The following ABLIM1 variants were observed in gnomAD, a reference collection of about 807,000 sequenced individuals.
The protein encoded by ABLIM1 is actin-binding LIM protein 1.
Under a neutral mutation model 107.0 loss-of-function variants are expected in ABLIM1, and 40 were observed. The ratio of observed to expected loss-of-function variants is 0.37; its 90% CI spans 0.29 to 0.49. The LOEUF is 0.49. Ranked by LOEUF, ABLIM1 falls within the 20% of genes least tolerant of loss-of-function variation. ABLIM1 has a pLI of 0.97. For synonymous variants in ABLIM1, 357 were observed against 357.3 expected, an observed-to-expected ratio of 1.00 and a Z score of 0.01; for missense variants, 857 against 1,008.5, an observed-to-expected ratio of 0.85 and a Z score of 2.04.
At chr10:114,671,960 T>A (rs2080275177) in intron 1 of ABLIM1, among the ~76,000 whole-genome samples, 1 of 152,164 alleles carries the variant, frequency 6.6e-6, no homozygotes, top group Non-Finnish European at 1.5e-5. Flanking sequence ...ACTCCTGGGC[T>A]CAAACAATCC....
intron 2 of ABLIM1, among the ~76,000 whole-genome samples, chr10:114,588,558 C>T (rs2074460133): frequency 1.5e-5 from 2 of 130,792 alleles, no homozygotes; most frequent in Non-Finnish European, 3.1e-5. Flanking sequence ...GCAATGGTGC[C>T]ATCTCAGCTC....
chr10:114,665,479 T>C (rs2079988231), intron 1 of ABLIM1, among the ~76,000 whole-genome samples: 1 of 152,208 alleles, frequency 6.6e-6, no homozygotes, highest in South Asian at 2.1e-4. Context: ...CACAAGTTGA[T>C]GGGAAGGACG....
intron 1 of ABLIM1, among the ~76,000 whole-genome samples, chr10:114,647,291 G>A (rs1195992040): frequency 6.8e-6 from 1 of 146,064 alleles, no homozygotes; most frequent in Admixed American, 6.6e-5. Flanking sequence ...GAGCCACCGT[G>A]CCCAGCCTAG....
chr10:114,595,676 T>C (rs781045359), intron 2 of ABLIM1, among the ~76,000 whole-genome samples: 2 of 152,224 alleles, frequency 1.3e-5, no homozygotes, highest in Non-Finnish European at 2.9e-5. Context: ...GATCTGCTTT[T>C]CATTTAATTA....
intron 1 of ABLIM1, among the ~76,000 whole-genome samples, chr10:114,612,151 G>T (rs1428296750): frequency 6.6e-6 from 1 of 152,158 alleles, no homozygotes; most frequent in East Asian, 1.9e-4. Context: ...CATTGCCATT[G>T]TAAACGTTAA....
intron 1 of ABLIM1, among the ~76,000 whole-genome samples, chr10:114,638,734 A>G (rs1001925720): frequency 6.6e-6 from 1 of 152,140 alleles, no homozygotes; most frequent in Non-Finnish European, 1.5e-5. Flanking sequence ...GCCTGGCCTG[A>G]TAGCAATGAT....
At chr10:114,480,787 ATC>A (rs1278690132) in intron 8 of ABLIM1, among the ~76,000 whole-genome samples, 4 of 152,122 alleles carry the variant, frequency 2.6e-5, no homozygotes, top group African/African-American at 9.7e-5. Flanking sequence ...CTCTATAGTT[ATC>A]TCCCCAGCAC....
At chr10:114,679,425 G>A (rs547962127) in intron 1 of ABLIM1, among the ~76,000 whole-genome samples, 45 of 151,876 alleles carry the variant, frequency 3.0e-4, no homozygotes, top group African/African-American at 9.9e-4. Context: ...ACCTGAGGTC[G>A]GGAGTTTGAG....
intron 12 of ABLIM1, among the ~76,000 whole-genome samples, chr10:114,455,314 C>T (rs1258861908): frequency 6.6e-6 from 1 of 152,054 alleles, no homozygotes; most frequent in African/African-American, 2.4e-5. Flanking sequence ...GCATCCAGAC[C>T]CAAATATGTT....
intron 8 of ABLIM1, among the ~76,000 whole-genome samples, chr10:114,479,569 A>C (rs922087330): frequency 1.3e-5 from 2 of 152,066 alleles, no homozygotes; most frequent in Non-Finnish European, 2.9e-5. Flanking sequence ...GATGACGATG[A>C]CCTTGCACAG....
intron 1 of ABLIM1, among the ~76,000 whole-genome samples, chr10:114,646,109 T>C (rs137873811): frequency 3.9e-5 from 6 of 152,312 alleles, no homozygotes; most frequent in South Asian, 2.1e-4. Context: ...CGCATATGTA[T>C]TGTATTTGTT....
At chr10:114,441,573 A>T in intron 18 of ABLIM1, 149 bp downstream of exon 18, 1 of 641,220 alleles carries the variant, frequency 1.6e-6, no homozygotes, top group Non-Finnish European at 2.7e-6. Flanking sequence ...AACTCAAATT[A>T]ATTTACTAGG....
At chr10:114,466,598 C>A (rs1317951386) in intron 11 of ABLIM1, among the ~76,000 whole-genome samples, 1 of 152,198 alleles carries the variant, frequency 6.6e-6, no homozygotes, top group Non-Finnish European at 1.5e-5. Flanking sequence ...TGACTCTAAT[C>A]TCTTCCTTCG....
chr10:114,789,950 G>A, the ABLIM1 span, among the ~76,000 whole-genome samples: 5 of 152,046 alleles, frequency 3.3e-5, no homozygotes, highest in African/African-American at 9.7e-5. Flanking sequence ...ATGCCACCAC[G>A]CCCAGCTAAT....
intron 4 of ABLIM1, among the ~76,000 whole-genome samples, chr10:114,560,950 T>C (rs1053349101): frequency 1.3e-5 from 2 of 152,316 alleles, no homozygotes; most frequent in East Asian, 3.9e-4. Flanking sequence ...GTTTTGGAAC[T>C]AGATAGAGGT....
intron 1 of ABLIM1, among the ~76,000 whole-genome samples, chr10:114,761,208 T>C (rs147884530): frequency 6.6e-6 from 1 of 151,838 alleles, no homozygotes; most frequent in Non-Finnish European, 1.5e-5. Flanking sequence ...GTCTCCCATT[T>C]ATCAACTAGC....
intron 17 of ABLIM1, among the ~76,000 whole-genome samples, chr10:114,443,714 T>C (rs2060575716): frequency 6.7e-6 from 1 of 149,926 alleles, no homozygotes; most frequent in South Asian, 2.1e-4. Flanking sequence ...AAAAGCATCA[T>C]GTTTTTTAGA....
Position 114,456,946 on chromosome 10 carries a change from A to AC in ABLIM1, c.1442-3464_1442-3463insG, listed in dbSNP as rs976497216. On this transcript the variant is annotated intron_variant, in intron 12 of 22. Coordinates refer to ENST00000533213, the MANE Select transcript of ABLIM1 (RefSeq NM_002313.7). ...GTTGTTTTTTTTTTAAAAAAAAAAAAAAAACACTACTTTGTTCAAATTTTG... is the reference window on the plus strand; with the variant it reads ...GTTGTTTTTTTTTTAAAAAAAAAAAACAAAACACTACTTTGTTCAAATTTTG... Among the ~76,000 whole-genome samples the AC allele has an allele frequency of 2.3e-4, 34 of 150,882 alleles. 1 individual carries two copies. Among genetic ancestry groups the AC allele is most frequent in the East Asian group, 1.2e-3 (6 of 5,124 alleles).
At chr10:114,589,387 G>A (rs780669178) in intron 2 of ABLIM1, among the ~76,000 whole-genome samples, 15 of 151,690 alleles carry the variant, frequency 9.9e-5, no homozygotes, top group Middle Eastern at 3.2e-3. Context: ...AAATTAGCTA[G>A]GTATGGTGGT....
Sources: gnomAD v4.1 joint callset for allele counts (sites outside exome capture counted in the v4.1 genomes callset) on GRCh38, gnomAD v4.1.1 for gene constraint, MANE v1.5 for transcripts, NCBI Gene and HGNC (gene_info 2026-07-23, HGNC 2026-07-21) for gene names.